BCL11B: variants seen among roughly 807,000 people sequenced by gnomAD.
BCL11B encodes B-cell lymphoma/leukemia 11B.
A neutral mutation model predicts 49.9 loss-of-function variants in BCL11B; 8 were observed. The ratio of observed to expected loss-of-function variants is 0.16; its 90% confidence interval spans 0.09 to 0.29. BCL11B has a LOEUF of 0.29. Ranked by LOEUF, BCL11B falls within the 10% of genes least tolerant of loss-of-function variation. BCL11B has a pLI of 1.00. For missense variants in BCL11B, 1,006 were observed against 1,351.0 expected, an observed-to-expected ratio of 0.74 and a Z score of 4.00; for synonymous variants, 739 against 637.4, an observed-to-expected ratio of 1.16 and a Z score of -2.40.
intron 1 of BCL11B, among the ~76,000 whole-genome samples, chr14:99,269,958 T>A (rs1370057534): frequency 6.8e-6 from 1 of 146,238 alleles, no homozygotes; most frequent in Non-Finnish European, 1.5e-5. Flanking sequence ...GGGGAAATGT[T>A]CGCGCGCAGC....
Position 99,262,709 on chromosome 14 carries a change from T to A in BCL11B, c.59-4870A>T, listed in dbSNP as rs1313931028. ...CATAATCTACGAAGAGATCTTTTCATCTCCTCTCCGTGAACACTTGGGGAG... is the reference window on the plus strand; with the variant it reads ...CATAATCTACGAAGAGATCTTTTCAACTCCTCTCCGTGAACACTTGGGGAG... On this transcript the variant is annotated intron_variant, in intron 1 of 3. Transcript: ENST00000357195. The surrounding 1 kb of genome is among the most constrained non-coding windows in gnomAD (Gnocchi z 4.2). Among the ~76,000 whole-genome samples, 1 of 152,064 alleles carries A rather than the reference T, an allele frequency of 6.6e-6. No individual in the cohort carries two copies. Among genetic ancestry groups the A allele is most frequent in the African/African-American group, 2.4e-5 (1 of 41,396 alleles).
rs942511893 is a variant in BCL11B, at chr14:99,184,318, A to T, written c.641-8123T>A. Among the ~76,000 whole-genome samples the T allele has an allele frequency of 3.9e-5, 6 of 152,142 alleles. No homozygotes were observed. The highest frequency in any genetic ancestry group is 1.4e-4 in the African/African-American group (6 of 41,444). On this transcript the variant is annotated intron_variant, in intron 3 of 3. Coordinates refer to ENST00000357195, the MANE Select transcript of BCL11B (RefSeq NM_138576.4). This position sits in a 1 kb window ranked among gnomAD's most constrained non-coding sequence, Gnocchi z 6.1. The stretch of plus-strand genomic sequence containing the variant: ...AAGTCTAATCCCCTCAGCATTCCAC[A>T]GCATTGTATTTAGATCTGCTTCATA...
chr14:99,176,035 C>T lies in BCL11B; in HGVS notation c.801G>A (p.Pro267=), dbSNP rs775088115. The stretch of plus-strand genomic sequence containing the variant: ...GCGCCACGGCCTCCGGCCCGAGCGG[C>T]GGCGGGATGGTGAGCCGCGGCGTGA... ...SSLTPRLTIP[P]PLGPEAVAQS... is the part of the protein sequence containing the mutation. Residue 267 remains proline, a synonymous_variant, in exon 4 of 4, where the codon CCG becomes CCA. Transcript: ENST00000357195. 5.0e-6 allele frequency: 8 copies of T among 1,585,198 alleles called. No homozygotes were observed. The highest frequency in any genetic ancestry group is 1.1e-5 in the South Asian group (1 of 88,340).
At chr14:99,185,973 G>A (rs546752639) in intron 3 of BCL11B, among the ~76,000 whole-genome samples, 6 of 152,350 alleles carry the variant, frequency 3.9e-5, no homozygotes, top group South Asian at 4.1e-4. Flanking sequence ...ACAGATGCAC[G>A]ATGTGTCTAC....
chr14:99,257,623 G>T lies in BCL11B; in HGVS notation c.275C>A (p.Ala92Asp). 6.2e-7 allele frequency: 1 copy of T among 1,613,850 alleles called. No individual in the cohort carries two copies. Among genetic ancestry groups the T allele is most frequent in the East Asian group, 2.2e-5 (1 of 44,846 alleles). The change falls in exon 2 of 4, where the codon GCC becomes GAC. Residue 92 changes from alanine to aspartate, a missense_variant. Ala to Asp is a moderately radical substitution (Grantham distance 126). Around this residue, in one of 6 missense-constraint regions of BCL11B, gnomAD observed 411 missense variants for 542.2 expected, o/e 0.76. Coordinates refer to ENST00000357195, the MANE Select transcript of BCL11B (RefSeq NM_138576.4). The surrounding 1 kb of genome is among the most constrained non-coding windows in gnomAD (Gnocchi z 6.2). ...GGSLGACYDK[A>D]LDKDSPPPSS... Reference sequence around the variant, plus strand: ...GGGTGGCGGGCTGTCCTTGTCCAGGGCCTTGTCATAGCAGGCACCCAAGCT... The same window carrying T: ...GGGTGGCGGGCTGTCCTTGTCCAGGTCCTTGTCATAGCAGGCACCCAAGCT...
chr14:99,175,399 G>C lies in BCL11B; in HGVS notation c.1437C>G (p.His479Gln), dbSNP rs147218517. ...KLKRHMKTHMHKAGSLAGRSD... is the reference protein window; with the variant it reads ...KLKRHMKTHMQKAGSLAGRSD... ...AGCGGCCGGCCAGCGAGCCGGCCTT[G>C]TGCATGTGCGTCTTCATGTGGCGCT... Residue 479 changes from histidine (H) to glutamine (Q), a missense_variant, in exon 4 of 4, where the codon CAC (histidine) becomes CAG (glutamine). Physicochemically the swap from His to Gln is conservative, Grantham distance 24. Coordinates refer to ENST00000357195, the MANE Select transcript of BCL11B (RefSeq NM_138576.4). 1 of 1,605,702 alleles carries C rather than the reference G, an allele frequency of 6.2e-7. No individual in the cohort carries two copies. Among genetic ancestry groups the C allele is most frequent in the Non-Finnish European group, 8.5e-7 (1 of 1,177,488 alleles).
In BCL11B at chr14:99,170,058, T is replaced by C. The variant is rs72702620; in HGVS notation, c.*4093A>G. 2.3e-3 allele frequency: 521 copies of C among 227,606 alleles called. 3 individuals are homozygous for C. Among genetic ancestry groups the C allele is most frequent in the East Asian group, 0.019 (306 of 15,814 alleles). 14.1% of individuals were successfully genotyped at this position (227,606 alleles called of 1,614,324 possible). ...TCTCTGCAGTCACAGAGACACACAA[T>C]GCTTGTGCTTTGGGATGGCTTAGTC... On this transcript the variant is annotated 3_prime_UTR_variant, in exon 4 of 4. Transcript: ENST00000357195.
chr14:99,266,788 C>T (rs1889496364), intron 1 of BCL11B, among the ~76,000 whole-genome samples: 1 of 152,190 alleles, frequency 6.6e-6, no homozygotes, highest in Admixed American at 6.5e-5. Flanking sequence ...TTGCCATCAA[C>T]CAAAAGCCAA....
chr14:99,214,592 T>G (rs1364095396), intron 3 of BCL11B, among the ~76,000 whole-genome samples: 1 of 150,038 alleles, frequency 6.7e-6, no homozygotes, highest in African/African-American at 2.4e-5. Context: ...CAAACCACCA[T>G]GGCACACGTT....
intron 3 of BCL11B, among the ~76,000 whole-genome samples, chr14:99,182,730 C>T (rs1886743447): frequency 6.6e-6 from 1 of 152,170 alleles, no homozygotes; most frequent in Non-Finnish European, 1.5e-5. Context: ...AAGCCACTGC[C>T]CCCACACCAA....
chr14:99,217,385 G>GACACACACACACACATACAGACACAC (rs1555380376), intron 3 of BCL11B, among the ~76,000 whole-genome samples: 1 of 131,130 alleles, frequency 7.6e-6, no homozygotes, highest in Admixed American at 7.6e-5. Context: ...CACACATACA[G>GACACACACACACACATACAGACACAC]ACACACACAC....
chr14:99,224,210 G>C (rs1239486291), intron 3 of BCL11B, among the ~76,000 whole-genome samples: 2 of 152,196 alleles, frequency 1.3e-5, no homozygotes, highest in Non-Finnish European at 2.9e-5. Context: ...AGACGGGAGA[G>C]CTCCAAGTAC....
chr14:99,246,437 G>C (rs1015321320), intron 2 of BCL11B, among the ~76,000 whole-genome samples: 12 of 152,338 alleles, frequency 7.9e-5, no homozygotes, highest in Admixed American at 3.9e-4. Flanking sequence ...TCAGAGGCCG[G>C]CGGCCAGGCG....
rs180671446 is a variant in BCL11B, at chr14:99,244,299, C to A, written c.428-12742G>T. On this transcript the variant is annotated intron_variant, in intron 2 of 3. Coordinates refer to ENST00000357195, the MANE Select transcript of BCL11B (RefSeq NM_138576.4). Reference sequence around the variant, plus strand: ...AGCAAAACATGAACAATTACCCCCCCCTCACACACACACACACCCCTAGTC... The same window carrying A: ...AGCAAAACATGAACAATTACCCCCCACTCACACACACACACACCCCTAGTC... 2.6e-4 allele frequency among the ~76,000 whole-genome samples: 39 copies of A among 151,804 alleles called. 1 individual carries two copies. Among genetic ancestry groups the A allele is most frequent in the African/African-American group, 8.2e-4 (34 of 41,360 alleles).
chr14:99,218,752 G>T (rs900764969), intron 3 of BCL11B, among the ~76,000 whole-genome samples: 3 of 152,162 alleles, frequency 2.0e-5, no homozygotes, highest in Non-Finnish European at 4.4e-5. Context: ...GCTGTCCACA[G>T]CTAGATCCCA....
rs183502814 is a variant in BCL11B at position 99,218,152 on chromosome 14, G to A, written c.640+13193C>T. Reference sequence around the variant, plus strand: ...GCGATCTCAGCTCACTTCAAGCTCCGCCTCCCAGGTTCACGCCATTCTCCT... The same window carrying A: ...GCGATCTCAGCTCACTTCAAGCTCCACCTCCCAGGTTCACGCCATTCTCCT... On this transcript the variant is annotated intron_variant, in intron 3 of 3. Transcript: ENST00000357195. Among the ~76,000 whole-genome samples the A allele has an allele frequency of 4.6e-3, 632 of 138,148 alleles. 4 individuals carry two copies. Among genetic ancestry groups the A allele is most frequent in the African/African-American group, 0.016 (596 of 36,854 alleles). The allele number at this position is 138,148 out of a possible 152,430, so 90.6% of individuals were successfully genotyped here.
At chr14:99,181,893 C>T (rs867609742) in intron 3 of BCL11B, among the ~76,000 whole-genome samples, 12 of 152,304 alleles carry the variant, frequency 7.9e-5, no homozygotes, top group African/African-American at 2.6e-4. Context: ...CTCCAGAATC[C>T]GTCTGCTAAA....
rs1347150657 is a variant in BCL11B, at chr14:99,241,443, G to A, written c.428-9886C>T. ...AGCAAGCATCGCTCAGGAGGCCTCA[G>A]AGACTAAACAGACACAAAACCCAAA... On this transcript the variant is annotated intron_variant, in intron 2 of 3. Transcript: ENST00000357195. This position sits in a 1 kb window ranked among gnomAD's most constrained non-coding sequence, Gnocchi z 4.4. Among the ~76,000 whole-genome samples the A allele has an allele frequency of 6.6e-6, 1 of 151,546 alleles. No homozygotes were observed. Among genetic ancestry groups the A allele is most frequent in the African/African-American group, 2.4e-5 (1 of 41,178 alleles).
rs2139751820 is a variant in BCL11B at position 99,174,082 on chromosome 14, G to A, written c.*69C>T. ...CGGGGTGGCGGTGACACGGAGGCAAGTCAGGTCAGCATTCTCTCGGTTGGC... is the reference window on the plus strand; with the variant it reads ...CGGGGTGGCGGTGACACGGAGGCAAATCAGGTCAGCATTCTCTCGGTTGGC... On this transcript the variant is annotated 3_prime_UTR_variant, in exon 4 of 4. Transcript: ENST00000357195. 7 of 1,514,148 alleles carry A rather than the reference G, an allele frequency of 4.6e-6. No homozygotes were observed. In the East Asian group the frequency reaches 1.2e-4, roughly 25 times the overall value. The allele number at this position is 1,514,148 out of a possible 1,614,324, so 93.8% of individuals were successfully genotyped here.
Sources: allele counts gnomAD v4.1 joint callset (sites outside exome capture counted in the v4.1 genomes callset), GRCh38; gene constraint gnomAD v4.1.1; regional missense constraint gnomAD v4.1.1; non-coding constraint Gnocchi (gnomAD v3.1); transcripts MANE v1.5; gene names NCBI Gene and HGNC (gene_info 2026-07-23, HGNC 2026-07-21).